The following CPLANE1 variants were observed in gnomAD, a reference collection of about 807,000 sequenced individuals.
The protein encoded by CPLANE1 is ciliogenesis and planar polarity effector 1.
Under a neutral mutation model 362.5 loss-of-function variants are expected in CPLANE1, and 263 were observed. The ratio of observed to expected loss-of-function variants is 0.73; its 90% CI spans 0.66 to 0.80. The LOEUF (loss-of-function observed/expected upper bound fraction) is 0.80. Ranked by LOEUF, CPLANE1 falls within the 30% of genes least tolerant of loss-of-function variation. The pLI, the probability that CPLANE1 is intolerant of heterozygous loss-of-function variation, is 0.00. For synonymous variants in CPLANE1, 1,212 were observed against 1,302.6 expected, an observed-to-expected ratio of 0.93 and a Z score of 1.50; for missense variants, 3,461 against 3,793.4, an observed-to-expected ratio of 0.91 and a Z score of 2.30.
chr5:37,128,435 G>A (rs1764847566), intron 46 of CPLANE1, among the ~76,000 whole-genome samples: 1 of 152,160 alleles, frequency 6.6e-6, no homozygotes, highest in Non-Finnish European at 1.5e-5. Flanking sequence ...GTGTCACCTG[G>A]AGCTTAAGGA....
the CPLANE1 span, among the ~76,000 whole-genome samples, chr5:37,100,968 G>A: frequency 6.6e-6 from 1 of 152,206 alleles, no homozygotes; most frequent in Admixed American, 6.5e-5. Context: ...TTTGTATCCT[G>A]AAACTGTGCT....
At chr5:37,113,187 A>G (rs1411797419) in intron 51 of CPLANE1, among the ~76,000 whole-genome samples, 1 of 152,214 alleles carries the variant, frequency 6.6e-6, no homozygotes, top group East Asian at 1.9e-4. Context: ...CTTGAATTGT[A>G]GCTCCCATAA....
chr5:37,175,066 G>A (rs192428358), intron 31 of CPLANE1, among the ~76,000 whole-genome samples: 94 of 152,298 alleles, frequency 6.2e-4, no homozygotes, highest in African/African-American at 2.0e-3. Flanking sequence ...TTCCTGAAGT[G>A]TGATGGAAGG....
intron 44 of CPLANE1, chr5:37,140,436 C>T (rs1454092393): frequency 1.0e-6 from 1 of 984,948 alleles, no homozygotes. Flanking sequence ...GCAACTAATT[C>T]AATTTAACTA....
chr5:37,159,731 A>C (rs1421390056), intron 38 of CPLANE1, among the ~76,000 whole-genome samples: 2 of 152,248 alleles, frequency 1.3e-5, no homozygotes, highest in Admixed American at 1.3e-4. Flanking sequence ...AAGGAAAATA[A>C]AAATACTGAA....
intron 26 of CPLANE1, 51 bp from the exon 27 acceptor site, chr5:37,181,056 C>T: frequency 1.4e-6 from 2 of 1,442,774 alleles, no homozygotes; most frequent in Non-Finnish European, 1.9e-6. Flanking sequence ...CTTTATTTTT[C>T]ACCATATTTT....
At chr5:37,123,838 A>C (rs988764465) in intron 47 of CPLANE1, among the ~76,000 whole-genome samples, 1 of 151,980 alleles carries the variant, frequency 6.6e-6, no homozygotes, top group Non-Finnish European at 1.5e-5. Context: ...TTTATTCTAA[A>C]TTTGGACACA....
intron 35 of CPLANE1, 97 bp downstream of exon 35, chr5:37,166,950 T>C (rs1444277313): frequency 1.2e-5 from 11 of 938,338 alleles, no homozygotes; most frequent in Non-Finnish European, 1.6e-5. Context: ...CAATTGTGTA[T>C]AGCCTAGGAG....
chr5:37,245,878 G>A (rs1291294377), intron 2 of CPLANE1, 33 bp from the exon 3 acceptor site: 7 of 1,445,352 alleles, frequency 4.8e-6, no homozygotes, highest in East Asian at 2.6e-5. Flanking sequence ...GACTCAAGAG[G>A]TGCCAGAAAT....
chr5:37,238,485 T>TCC (rs1799525869), intron 8 of CPLANE1, among the ~76,000 whole-genome samples: 1 of 128,516 alleles, frequency 7.8e-6, no homozygotes, highest in Non-Finnish European at 1.7e-5. Context: ...GCCCAGCCTT[T>TCC]TCTTTTTTTT....
chr5:37,158,489 ATAAT>A lies in CPLANE1; in HGVS notation c.7691-148_7691-145del, dbSNP rs936712970. ...CTAAGTAGAAGTGACATGGGTATAA[ATAAT>A]TAAAGCACATTCTATTCTAAGGGCA... On this transcript the variant is annotated intron_variant, in intron 38 of 52. Coordinates refer to ENST00000651892, the MANE Select transcript of CPLANE1 (RefSeq NM_001384732.1). 7.1e-6 allele frequency: 5 copies of A among 701,534 alleles called. No individual in the cohort carries two copies. In the South Asian group the frequency reaches 1.0e-4, roughly 15 times the overall value. 43.5% of individuals were successfully genotyped at this position (701,534 alleles called of 1,614,324 possible). A position where few individuals can be genotyped will look rare whatever the true frequency, so the allele number is the denominator to read the frequency against.
chr5:37,145,654 C>A (rs560166955), intron 43 of CPLANE1, among the ~76,000 whole-genome samples: 1 of 151,880 alleles, frequency 6.6e-6, no homozygotes, highest in East Asian at 1.9e-4. Flanking sequence ...CCACTAAAAA[C>A]TAAAAATCTA....
At chr5:37,147,630 A>G (rs1461621253) in intron 43 of CPLANE1, among the ~76,000 whole-genome samples, 1 of 152,200 alleles carries the variant, frequency 6.6e-6, no homozygotes, top group Non-Finnish European at 1.5e-5. Context: ...AACAAAGAGA[A>G]TTAACAAACA....
At chr5:37,094,029 G>A in the CPLANE1 span, among the ~76,000 whole-genome samples, 2 of 148,964 alleles carry the variant, frequency 1.3e-5, no homozygotes, top group South Asian at 4.3e-4. Flanking sequence ...GCAGTGGGGG[G>A]CAGGAGTGGA....
Position 37,238,890 on chromosome 5 carries a change from T to C in CPLANE1, c.905A>G (p.Asn302Ser). 2.0e-6 allele frequency: 3 copies of C among 1,532,894 alleles called. No homozygotes were observed. Among genetic ancestry groups the C allele is most frequent in the East Asian group, 2.5e-5 (1 of 40,566 alleles). The allele number at this position is 1,532,894 out of a possible 1,614,324, so 95.0% of individuals were successfully genotyped here. Residue 302 changes from asparagine (N) to serine (S), a missense_variant, in exon 8 of 53, where the codon AAC becomes AGC. By Grantham distance (46) the Asn-to-Ser change is conservative (BLOSUM62 1). Transcript: ENST00000651892. ...TGTAGCTGGAACCACGGGACTCTTG[T>C]TACTACATCCTTTAAGGCTACCACA... ...TLCGSLKGCS[N>S]KSPVVPATLI... is the part of the protein sequence containing the mutation.
chr5:37,120,223 C>T lies in CPLANE1; in HGVS notation c.9303G>A (p.Trp3101Ter). Residue 3101 changes from tryptophan to a stop codon, truncating the protein, a stop_gained, in exon 50 of 53, where the codon TGG becomes TGA. Coordinates refer to ENST00000651892, the MANE Select transcript of CPLANE1 (RefSeq NM_001384732.1). LOFTEE classifies it high-confidence loss of function. ...AAAAGCTTTAAGTCTTACCATGTGG[C>T]CAAGGTGAGCCTTGAGGTTGCCCAA... The part of the protein sequence containing the change: ...KSFGQPQGSP[W>*]PHGTATFTIQ... 6.2e-7 allele frequency: 1 copy of T among 1,601,128 alleles called. No individual in the cohort carries two copies. The highest frequency in any genetic ancestry group is 1.1e-5 in the South Asian group (1 of 87,602).
the CPLANE1 span, among the ~76,000 whole-genome samples, chr5:37,075,908 C>T: frequency 6.6e-6 from 1 of 152,042 alleles, no homozygotes; most frequent in Non-Finnish European, 1.5e-5. Context: ...AGAATAGTGT[C>T]ACATGCAATT....
At chr5:37,149,060 TTAAA>T (rs1772661590) in intron 42 of CPLANE1, among the ~76,000 whole-genome samples, 1 of 152,008 alleles carries the variant, frequency 6.6e-6, no homozygotes. Flanking sequence ...CAAAACTAAA[TTAAA>T]TAAATAAGCA....
intron 18 of CPLANE1, among the ~76,000 whole-genome samples, chr5:37,203,400 T>C (rs1007435176): frequency 6.6e-6 from 1 of 152,240 alleles, no homozygotes; most frequent in Non-Finnish European, 1.5e-5. Flanking sequence ...GTTATTCCAT[T>C]TTAAAGATAT....
Sources: gnomAD v4.1 joint callset for allele counts (sites outside exome capture counted in the v4.1 genomes callset) on GRCh38, gnomAD v4.1.1 for gene constraint, MANE v1.5 for transcripts, NCBI Gene and HGNC (gene_info 2026-07-23, HGNC 2026-07-21) for gene names.